The following RABGAP1L variants were observed in gnomAD, a reference collection of about 807,000 sequenced individuals.
The protein encoded by RABGAP1L is rab GTPase-activating protein 1-like.
RABGAP1L carries 63 observed loss-of-function variants against 137.7 expected under a neutral mutation model. That is an observed-to-expected ratio of 0.46 (90% confidence interval 0.37 to 0.56). RABGAP1L has a LOEUF of 0.56. Among genes scored for constraint, RABGAP1L ranks in the 20% least tolerant of loss-of-function variants. The probability of loss-of-function intolerance (pLI) is 0.00; values close to 1 mark genes in which losing one functional copy is unlikely to be tolerated. For missense variants in RABGAP1L, 1,095 were observed against 1,244.0 expected (o/e 0.88, Z 1.80); for synonymous variants, 431 against 433.7 (o/e 0.99, Z 0.08).
At chr1:174,833,893 C>G (rs1295246251) in intron 19 of RABGAP1L, among the ~76,000 whole-genome samples, 1 of 152,030 alleles carries the variant, frequency 6.6e-6, no homozygotes, top group Non-Finnish European at 1.5e-5. Flanking sequence ...TCAAGGAGAA[C>G]TTTTCTGAGG....
intron 13 of RABGAP1L, among the ~76,000 whole-genome samples, chr1:174,561,096 A>G (rs1003162860): frequency 2.0e-5 from 3 of 152,196 alleles, no homozygotes; most frequent in Admixed American, 6.5e-5. Flanking sequence ...TGCAGATGAC[A>G]TGATCGTATA....
chr1:174,885,697 G>C (rs1160334347), intron 19 of RABGAP1L, among the ~76,000 whole-genome samples: 1 of 152,030 alleles, frequency 6.6e-6, no homozygotes, highest in East Asian at 2.0e-4. Flanking sequence ...ACCAGGCGTA[G>C]TTGCTCACGC....
At position 174,699,605 on chromosome 1, in the gene RABGAP1L, C is replaced by T. The variant is rs139844710; in HGVS notation, c.1980C>T (p.Phe660=). 4.0e-5 allele frequency: 65 copies of T among 1,608,796 alleles called. No individual in the cohort carries two copies. Among genetic ancestry groups the T allele is most frequent in the Non-Finnish European group, 5.2e-5 (61 of 1,175,516 alleles). The change falls in exon 16 of 26, where the codon TTC becomes TTT. Residue 660 remains phenylalanine (F), a synonymous_variant. Transcript: ENST00000681986. ...TGAGAGACCTCTACAGAAACAACTTCGAAGATCTTCATTGCAAATTCTACC... is the reference window on the plus strand; with the variant it reads ...TGAGAGACCTCTACAGAAACAACTTTGAAGATCTTCATTGCAAATTCTACC... ...YGLRDLYRNN[F]EDLHCKFYQL...
chr1:174,682,712 C>G (rs550252497), intron 14 of RABGAP1L, among the ~76,000 whole-genome samples: 3 of 152,274 alleles, frequency 2.0e-5, no homozygotes, highest in African/African-American at 7.2e-5. Context: ...AAGCCTATGG[C>G]CTTATTTCCT....
At chr1:174,811,803 A>G in intron 18 of RABGAP1L, 29 bp from the exon 19 acceptor site, 1 of 1,513,076 alleles carries the variant, frequency 6.6e-7, no homozygotes, top group Non-Finnish European at 8.8e-7. Flanking sequence ...GCTGAAATGT[A>G]ATGACGATTC....
intron 13 of RABGAP1L, among the ~76,000 whole-genome samples, chr1:174,537,716 A>G (rs1380083580): frequency 6.6e-6 from 1 of 151,890 alleles, no homozygotes; most frequent in Non-Finnish European, 1.5e-5. Flanking sequence ...AATTTTCCAT[A>G]TTTTTCTGCA....
intron 1 of RABGAP1L, among the ~76,000 whole-genome samples, chr1:174,215,813 A>G (rs1397388380): frequency 6.6e-6 from 1 of 152,214 alleles, no homozygotes; most frequent in Non-Finnish European, 1.5e-5. Flanking sequence ...CACCAATCCC[A>G]CTGCTAGGTA....
chr1:174,326,241 A>G (rs535915654), intron 11 of RABGAP1L, among the ~76,000 whole-genome samples: 1 of 152,386 alleles, frequency 6.6e-6, no homozygotes, highest in Admixed American at 6.5e-5. Context: ...TAAACCATGT[A>G]GATGAATGAT....
intron 2 of RABGAP1L, among the ~76,000 whole-genome samples, chr1:174,220,377 A>G (rs1012445907): frequency 6.6e-6 from 1 of 152,140 alleles, no homozygotes; most frequent in Admixed American, 6.6e-5. Context: ...AAGAAAAAGA[A>G]AAAGAAGGGC....
chr1:174,679,235 T>C (rs542044175), intron 14 of RABGAP1L, among the ~76,000 whole-genome samples: 1 of 152,288 alleles, frequency 6.6e-6, no homozygotes, highest in Non-Finnish European at 1.5e-5. Context: ...GGGTGTGAGC[T>C]AAGCTGCAAG....
In RABGAP1L at chr1:174,957,471, G is replaced by A. The variant is rs778695076; in HGVS notation, c.2355G>A (p.Lys785=). 5 of 1,613,320 alleles carry A rather than the reference G, an allele frequency of 3.1e-6. No individual in the cohort carries two copies. The highest frequency in any genetic ancestry group is 1.3e-5 in the African/African-American group (1 of 74,894). The change falls in exon 20 of 26, where the codon AAG becomes AAA. Residue 785 remains lysine (K), a synonymous_variant. Transcript: ENST00000681986. The part of the protein sequence containing the change: ...QACNIKVPTK[K]LKKYEKEYQT... The stretch of plus-strand genomic sequence containing the variant: ...AATCCCTGCAGGTACCAACCAAGAA[G>A]CTGAAGAAATATGAGAAAGAATATC...
chr1:174,164,098 C>T lies in RABGAP1L; in HGVS notation c.-34+4441C>T, dbSNP rs565955465. Among the ~76,000 whole-genome samples the T allele has an allele frequency of 4.3e-4, 63 of 147,170 alleles. No individual in the cohort carries two copies. In the South Asian group the frequency reaches 0.013, roughly 32 times the overall value. ...TTATACTATGGATTTCCTCCTCTTACCCCCTACCTGCCCCCCAACCCATTG... is the reference window on the plus strand; with the variant it reads ...TTATACTATGGATTTCCTCCTCTTATCCCCTACCTGCCCCCCAACCCATTG... On this transcript the variant is annotated intron_variant, in intron 1 of 25. Coordinates refer to ENST00000681986, the MANE Select transcript of RABGAP1L (RefSeq NM_001366446.1).
chr1:174,756,467 A>G (rs992357859), intron 18 of RABGAP1L, among the ~76,000 whole-genome samples: 2 of 151,832 alleles, frequency 1.3e-5, no homozygotes, highest in East Asian at 1.9e-4. Flanking sequence ...ATATATATAT[A>G]TATTTTTTTT....
intron 14 of RABGAP1L, among the ~76,000 whole-genome samples, chr1:174,650,201 A>T (rs1291985466): frequency 6.6e-6 from 1 of 152,116 alleles, no homozygotes; most frequent in Non-Finnish European, 1.5e-5. Flanking sequence ...ATCATGGTGG[A>T]TAAGCTTTTT....
chr1:174,210,193 G>A (rs1427727452), intron 1 of RABGAP1L, among the ~76,000 whole-genome samples: 6 of 152,134 alleles, frequency 3.9e-5, no homozygotes, highest in Non-Finnish European at 7.3e-5. Flanking sequence ...ATGCCCAGAC[G>A]CAGATGAACA....
rs1168591359 is a variant in RABGAP1L, at chr1:174,632,510, T to C, written c.1711-4865T>C. Among the ~76,000 whole-genome samples, 50 of 150,546 alleles carry C rather than the reference T, an allele frequency of 3.3e-4. 1 individual carries two copies. The East Asian group carries it at 7.1e-3, about 21-fold the overall frequency. The stretch of plus-strand genomic sequence containing the variant: ...TGTTTTCCAACTTGGTTCCATTCTC[T>C]GCATCACTTTGAGGTACACCAATCA... On this transcript the variant is annotated intron_variant, in intron 13 of 25. Coordinates refer to ENST00000681986, the MANE Select transcript of RABGAP1L (RefSeq NM_001366446.1).
intron 15 of RABGAP1L, among the ~76,000 whole-genome samples, chr1:174,696,712 A>G (rs1045096731): frequency 2.9e-4 from 44 of 152,174 alleles, no homozygotes; most frequent in African/African-American, 1.0e-3. Flanking sequence ...TCCCAAGTGC[A>G]TGGATTCTTT....
intron 13 of RABGAP1L, among the ~76,000 whole-genome samples, chr1:174,633,331 G>A (rs1192230659): frequency 6.9e-6 from 1 of 145,734 alleles, no homozygotes; most frequent in Non-Finnish European, 1.5e-5. Flanking sequence ...TACAAGGGAT[G>A]TGAAGGACCT....
chr1:174,413,164 C>CT (rs1474340345), intron 13 of RABGAP1L, among the ~76,000 whole-genome samples: 1 of 151,892 alleles, frequency 6.6e-6, no homozygotes, highest in African/African-American at 2.4e-5. Context: ...TTTAAAAATT[C>CT]TTTTTTCTTT....
Sources: allele counts gnomAD v4.1 joint callset (sites outside exome capture counted in the v4.1 genomes callset), GRCh38; gene constraint gnomAD v4.1.1; transcripts MANE v1.5; gene names NCBI Gene and HGNC (gene_info 2026-07-23, HGNC 2026-07-21).